The following APBA1 variants were observed in gnomAD, a reference collection of about 807,000 sequenced individuals.
APBA1 encodes the protein amyloid beta precursor protein binding family A member 1.
In APBA1, 55 loss-of-function variants were observed where a neutral mutation model predicts 86.6. That is an observed-to-expected ratio of 0.64 (90% CI 0.51 to 0.80). The LOEUF (loss-of-function observed/expected upper bound fraction) is 0.80, where lower values mean the gene tolerates loss of function less well. Among genes scored for constraint, APBA1 ranks in the 30% least tolerant of loss-of-function variants. APBA1 has a pLI of 0.00. For synonymous variants in APBA1, 511 were observed against 493.9 expected (o/e 1.03, Z -0.46); for missense variants, 1,090 against 1,183.0 (o/e 0.92, Z 1.15).
intron 11 of APBA1, among the ~76,000 whole-genome samples, chr9:69,434,421 A>AC (rs1046256881): frequency 1.1e-4 from 17 of 152,018 alleles, no homozygotes; most frequent in African/African-American, 4.1e-4. Context: ...CTTAAAACAA[A>AC]AAAAAAAAAG....
rs1389676254 is a variant in APBA1, at chr9:69,516,938, G to A, written c.273C>T (p.Thr91=). The A allele has an allele frequency of 6.3e-6, 10 of 1,594,144 alleles. No individual in the cohort carries two copies. Among genetic ancestry groups the A allele is most frequent in the African/African-American group, 1.3e-5 (1 of 74,740 alleles). ...TESGFHNHTD[T]AEGDVIAAAR... is the part of the protein sequence containing the mutation. ...CCGCGGCGATCACGTCGCCCTCGGC[G>A]GTGTCCGTGTGGTTGTGGAAGCCGC... The change falls in exon 2 of 13, where the codon ACC becomes ACT. Residue 91 remains threonine (T), a synonymous_variant. Transcript: ENST00000265381. The surrounding 1 kb of genome is among the most constrained non-coding windows in gnomAD (Gnocchi z 7.3).
intron 1 of APBA1, among the ~76,000 whole-genome samples, chr9:69,661,665 G>A (rs1470152562): frequency 6.6e-6 from 1 of 152,122 alleles, no homozygotes; most frequent in Admixed American, 6.5e-5. Context: ...GGAGGTGCAT[G>A]GGTCATGGGG....
intron 2 of APBA1, among the ~76,000 whole-genome samples, chr9:69,476,598 G>C (rs1835450911): frequency 6.6e-6 from 1 of 152,118 alleles, no homozygotes; most frequent in South Asian, 2.1e-4. Context: ...AGCTGGGCCT[G>C]ATTTTGATGG....
intron 6 of APBA1, among the ~76,000 whole-genome samples, chr9:69,457,673 T>C (rs138820108): frequency 6.6e-6 from 1 of 152,126 alleles, no homozygotes; most frequent in Non-Finnish European, 1.5e-5. Flanking sequence ...AGAGCCCCAA[T>C]GCCTCAACGT....
chr9:69,595,195 G>C (rs1822204709), intron 1 of APBA1, among the ~76,000 whole-genome samples: 1 of 152,156 alleles, frequency 6.6e-6, no homozygotes, highest in African/African-American at 2.4e-5. Flanking sequence ...GGTAATATCT[G>C]TAATATTGCT....
At chr9:69,511,793 AATC>A (rs1836047540) in intron 2 of APBA1, among the ~76,000 whole-genome samples, 1 of 152,070 alleles carries the variant, frequency 6.6e-6, no homozygotes, top group African/African-American at 2.4e-5. Context: ...TGAAATTGGA[AATC>A]ATCATTCTCA....
intron 1 of APBA1, among the ~76,000 whole-genome samples, chr9:69,623,866 T>C (rs916966164): frequency 1.3e-5 from 2 of 152,234 alleles, no homozygotes; most frequent in Non-Finnish European, 2.9e-5. Context: ...TAGGTCATCT[T>C]AACGTCTAAT....
At chr9:69,474,975 T>C (rs1835419699) in intron 3 of APBA1, among the ~76,000 whole-genome samples, 1 of 152,202 alleles carries the variant, frequency 6.6e-6, no homozygotes, top group Non-Finnish European at 1.5e-5. Context: ...GGTTTACCTC[T>C]TTAACACATC....
chr9:69,666,226 C>T (rs1823837636), intron 1 of APBA1, among the ~76,000 whole-genome samples: 1 of 152,128 alleles, frequency 6.6e-6, no homozygotes, highest in Non-Finnish European at 1.5e-5. Flanking sequence ...CCCTGCTGTC[C>T]CTTGAGGATG....
intron 1 of APBA1, among the ~76,000 whole-genome samples, chr9:69,565,965 G>A (rs1837020604): frequency 6.6e-6 from 1 of 152,190 alleles, no homozygotes; most frequent in Non-Finnish European, 1.5e-5. Flanking sequence ...CTCAAGGCCT[G>A]CCTGCTCAGG....
chr9:69,452,072 C>G, intron 9 of APBA1, 50 bp downstream of exon 9: 2 of 1,574,686 alleles, frequency 1.3e-6, no homozygotes, highest in Non-Finnish European at 1.7e-6. Context: ...ACTTTCCAAG[C>G]CCCTGCCCAG....
chr9:69,485,992 C>A (rs1186245687), intron 2 of APBA1, among the ~76,000 whole-genome samples: 2 of 151,682 alleles, frequency 1.3e-5, no homozygotes, highest in South Asian at 4.2e-4. Flanking sequence ...ACTCTTTTTG[C>A]CCAGGCTGGA....
chr9:69,535,828 C>T (rs1836499340), intron 1 of APBA1, among the ~76,000 whole-genome samples: 1 of 151,994 alleles, frequency 6.6e-6, no homozygotes, highest in African/African-American at 2.4e-5. Flanking sequence ...GTTTTTGTAT[C>T]ACTTTTAAAT....
At chr9:69,452,379 A>T in intron 8 of APBA1, 78 bp from the exon 9 acceptor site, 1 of 1,400,000 alleles carries the variant, frequency 7.1e-7, no homozygotes, top group Non-Finnish European at 9.9e-7. Context: ...TTCCCACCTG[A>T]ACAATGGCCC....
At chr9:69,549,934 C>T (rs963416864) in intron 1 of APBA1, among the ~76,000 whole-genome samples, 1 of 152,142 alleles carries the variant, frequency 6.6e-6, no homozygotes, top group South Asian at 2.1e-4. Context: ...AGATATGGCA[C>T]AGAATCTGGA....
chr9:69,494,169 G>A (rs1292620614), intron 2 of APBA1: 1 of 152,008 alleles, frequency 6.6e-6, no homozygotes, highest in Non-Finnish European at 1.5e-5. Context: ...AATAGCCTGG[G>A]CTTAATGAAC....
At chr9:69,617,654 T>G (rs1254556331) in intron 1 of APBA1, among the ~76,000 whole-genome samples, 1 of 152,126 alleles carries the variant, frequency 6.6e-6, no homozygotes, top group African/African-American at 2.4e-5. Flanking sequence ...AAACGGGAAC[T>G]ACACCTTCAT....
chr9:69,432,316 C>A (rs1177690816), intron 12 of APBA1, among the ~76,000 whole-genome samples: 3 of 152,204 alleles, frequency 2.0e-5, no homozygotes, highest in African/African-American at 7.2e-5. Flanking sequence ...AAAGAGAAGG[C>A]TGAGGGTGAT....
chr9:69,579,786 A>C (rs1821879588), intron 1 of APBA1, among the ~76,000 whole-genome samples: 1 of 152,248 alleles, frequency 6.6e-6, no homozygotes, highest in Admixed American at 6.5e-5. Context: ...AAGTGGGTCA[A>C]GGAAGAGGAA....
Sources: gnomAD v4.1 joint callset for allele counts (sites outside exome capture counted in the v4.1 genomes callset) on GRCh38, gnomAD v4.1.1 for gene constraint, Gnocchi (gnomAD v3.1) non-coding constraint, MANE v1.5 for transcripts, NCBI Gene and HGNC (gene_info 2026-07-23, HGNC 2026-07-21) for gene names.